IL1RAPL1: variants seen among roughly 807,000 people sequenced by gnomAD.
The protein encoded by IL1RAPL1 is interleukin-1 receptor accessory protein-like 1.
A neutral mutation model predicts 48.4 loss-of-function variants in IL1RAPL1; 3 were observed. That is an observed-to-expected ratio of 0.06 (90% CI 0.03 to 0.16). IL1RAPL1 has a LOEUF of 0.16. IL1RAPL1 is among the 10% of genes least tolerant of loss of function. IL1RAPL1 has a pLI of 1.00. For synonymous variants in IL1RAPL1, 185 were observed against 187.7 expected (o/e 0.99, Z 0.12); for missense variants, 349 against 530.6 (o/e 0.66, Z 3.36).
intron 7 of IL1RAPL1, among the ~76,000 whole-genome samples, chrX:29,918,144 A>AT (rs1555935867): frequency 7.3e-3 from 174 of 23,707 alleles, no homozygotes; most frequent in Non-Finnish European, 9.0e-3. Context: ...AAAAAAAAAA[A>AT]ATATATATAT....
chrX:28,690,335 G>T (rs771149080), intron 1 of IL1RAPL1, among the ~76,000 whole-genome samples: 9 of 111,391 alleles, frequency 8.1e-5, no homozygotes, highest in Non-Finnish European at 1.7e-4. Flanking sequence ...CCTCTATTTG[G>T]CCTCTCAGCT....
chrX:29,057,591 C>A (rs1352872650), intron 2 of IL1RAPL1, among the ~76,000 whole-genome samples: 1 of 110,594 alleles, frequency 9.0e-6, no homozygotes, highest in Non-Finnish European at 1.9e-5. Context: ...CCATGCCTGG[C>A]TAATTTTTTG....
intron 2 of IL1RAPL1, among the ~76,000 whole-genome samples, chrX:29,203,679 A>G (rs1274351476): frequency 9.7e-6 from 1 of 103,516 alleles, no homozygotes; most frequent in Non-Finnish European, 1.9e-5. Context: ...AGATCGTACC[A>G]TTGCACTCCG....
chrX:29,938,268 A>G (rs1280345610), intron 8 of IL1RAPL1, among the ~76,000 whole-genome samples: 1 of 112,327 alleles, frequency 8.9e-6, no homozygotes, highest in Non-Finnish European at 1.9e-5. Flanking sequence ...AGAGACCAGT[A>G]TTATAAATAC....
At chrX:29,410,339 T>TA (rs1373835663) in intron 5 of IL1RAPL1, among the ~76,000 whole-genome samples, 1 of 108,915 alleles carries the variant, frequency 9.2e-6, no homozygotes, top group African/African-American at 3.4e-5. Flanking sequence ...TGCGTGCCTG[T>TA]AGTCCCAGCT....
At chrX:29,694,350 A>G (rs189949184) in intron 6 of IL1RAPL1, among the ~76,000 whole-genome samples, 36 of 111,909 alleles carry the variant, frequency 3.2e-4, no homozygotes, top group Non-Finnish European at 9.4e-5. Flanking sequence ...CCCAGTTTTG[A>G]TCCAGTCTCC....
At chrX:28,634,293 C>T (rs1428697822) in intron 1 of IL1RAPL1, among the ~76,000 whole-genome samples, 2 of 109,411 alleles carry the variant, frequency 1.8e-5, no homozygotes, top group Admixed American at 9.8e-5. Context: ...TGAGCCACCA[C>T]GCCAGGTCTG....
At chrX:28,735,499 C>T (rs903377043) in intron 1 of IL1RAPL1, among the ~76,000 whole-genome samples, 11 of 110,383 alleles carry the variant, frequency 1.0e-4, no homozygotes, top group Non-Finnish European at 1.9e-4. Context: ...AGTGGTAACC[C>T]AGGAGCAGTG....
chrX:29,767,699 G>A (rs763354333), intron 6 of IL1RAPL1, among the ~76,000 whole-genome samples: 7 of 111,688 alleles, frequency 6.3e-5, no homozygotes, highest in Admixed American at 9.5e-5. Flanking sequence ...TTACATAAGC[G>A]TACATGTGAT....
intron 2 of IL1RAPL1, among the ~76,000 whole-genome samples, chrX:29,142,760 G>GTT (rs1295213988): frequency 9.1e-6 from 1 of 110,167 alleles, no homozygotes; most frequent in African/African-American, 3.3e-5. Flanking sequence ...GAGTGCAGTG[G>GTT]CACTATCTTG....
At chrX:28,818,109 T>C (rs1056755825) in intron 2 of IL1RAPL1, among the ~76,000 whole-genome samples, 1 of 110,064 alleles carries the variant, frequency 9.1e-6, no homozygotes, top group Non-Finnish European at 1.9e-5. Flanking sequence ...AGCTTAGGCA[T>C]GCCAGCAAGC....
At chrX:28,828,646 A>G (rs1601920930) in intron 2 of IL1RAPL1, among the ~76,000 whole-genome samples, 1 of 112,225 alleles carries the variant, frequency 8.9e-6, no homozygotes, top group South Asian at 3.7e-4. Context: ...ATGTACAACT[A>G]TTATTTATCA....
chrX:28,790,682 C>A (rs1936527542), intron 2 of IL1RAPL1, among the ~76,000 whole-genome samples: 1 of 112,509 alleles, frequency 8.9e-6, no homozygotes, highest in Non-Finnish European at 1.9e-5. Flanking sequence ...TATGTCTACA[C>A]ATTATTTCAT....
intron 2 of IL1RAPL1, among the ~76,000 whole-genome samples, chrX:28,804,084 G>A (rs978312484): frequency 2.7e-5 from 3 of 111,198 alleles, no homozygotes; most frequent in African/African-American, 9.8e-5. Context: ...CATATGGAGT[G>A]CTTATTTTTG....
intron 6 of IL1RAPL1, among the ~76,000 whole-genome samples, chrX:29,914,006 T>C (rs143599303): frequency 2.0e-3 from 224 of 112,151 alleles, no homozygotes; most frequent in African/African-American, 7.2e-3. Flanking sequence ...TGTTTTTCTA[T>C]TCTTCTCTCC....
intron 5 of IL1RAPL1, among the ~76,000 whole-genome samples, chrX:29,412,878 A>T (rs752089143): frequency 1.3e-3 from 150 of 112,350 alleles, no homozygotes; most frequent in Non-Finnish European, 1.7e-3. Flanking sequence ...ATTAGCGCAG[A>T]TGCATCAAAC....
chrX:28,609,448 A>T (rs181839764), intron 1 of IL1RAPL1, among the ~76,000 whole-genome samples: 2 of 110,168 alleles, frequency 1.8e-5, no homozygotes, highest in African/African-American at 6.6e-5. Context: ...CTAAATTTAT[A>T]CCTGATCCTG....
At chrX:29,586,244 C>A (rs902794450) in intron 5 of IL1RAPL1, among the ~76,000 whole-genome samples, 43 of 111,583 alleles carry the variant, frequency 3.9e-4, no homozygotes, top group African/African-American at 1.3e-3. Context: ...ACAAGGATCC[C>A]ATTTTATGCT....
intron 2 of IL1RAPL1, among the ~76,000 whole-genome samples, chrX:28,986,295 T>G (rs2147378328): frequency 8.9e-6 from 1 of 112,320 alleles, no homozygotes; most frequent in East Asian, 2.8e-4. Context: ...CTATTAAAAT[T>G]TTTCCCATTA....
Sources: allele counts gnomAD v4.1 joint callset (sites outside exome capture counted in the v4.1 genomes callset), GRCh38; gene constraint gnomAD v4.1.1; transcripts MANE v1.5; gene names NCBI Gene and HGNC (gene_info 2026-07-23, HGNC 2026-07-21).